Variants in DOCK9 observed in about 807,000 individuals in gnomAD.
The protein encoded by DOCK9 is dedicator of cytokinesis protein 9.
In DOCK9, 89 loss-of-function variants were observed where a neutral mutation model predicts 263.3. The observed-to-expected ratio is 0.34, with a 90% CI of 0.28 to 0.40. DOCK9 has a LOEUF of 0.40. Among genes scored for constraint, DOCK9 ranks in the 10% least tolerant of loss-of-function variants. The pLI is 1.00. For synonymous variants in DOCK9, 976 were observed against 973.1 expected (o/e 1.00, Z -0.06); for missense variants, 2,140 against 2,603.4 (o/e 0.82, Z 3.87).
At chr13:99,052,785 G>A (rs1307217311) in intron 1 of DOCK9, among the ~76,000 whole-genome samples, 1 of 148,644 alleles carries the variant, frequency 6.7e-6, no homozygotes, top group South Asian at 2.1e-4. Context: ...TTTTTTTTAA[G>A]TAGAGACCAG....
chr13:98,808,680 A>C, intron 47 of DOCK9: 2 of 1,570,330 alleles, frequency 1.3e-6, no homozygotes, highest in Non-Finnish European at 1.7e-6. Context: ...GTATTGCTAT[A>C]AAGTTATAAA....
chr13:98,948,130 C>T (rs964291888), intron 2 of DOCK9, among the ~76,000 whole-genome samples: 53 of 152,076 alleles, frequency 3.5e-4, no homozygotes, highest in Non-Finnish European at 8.8e-5. Context: ...GCTTCCTCTC[C>T]ATGTCAGTGA....
At chr13:98,994,513 T>C (rs949592165) in intron 1 of DOCK9, among the ~76,000 whole-genome samples, 1 of 152,226 alleles carries the variant, frequency 6.6e-6, no homozygotes, top group African/African-American at 2.4e-5. Flanking sequence ...GCACCAATCC[T>C]ACCGGGAGAA....
At chr13:99,025,277 A>C (rs1886579023) in intron 1 of DOCK9, 1 of 152,226 alleles carries the variant, frequency 6.6e-6, no homozygotes, top group South Asian at 2.1e-4. Context: ...AATTGGAATG[A>C]TACAGAGAAG....
At chr13:99,082,038 C>G (rs1329368770) in intron 1 of DOCK9, among the ~76,000 whole-genome samples, 1 of 151,828 alleles carries the variant, frequency 6.6e-6, no homozygotes, top group Non-Finnish European at 1.5e-5. Context: ...GGCAACAGGG[C>G]AAAACCCCAT....
intron 5 of DOCK9, 139 bp downstream of exon 5, chr13:98,923,163 A>T: frequency 1.3e-6 from 1 of 748,414 alleles, no homozygotes; most frequent in Non-Finnish European, 2.2e-6. Flanking sequence ...CATTTTTAAA[A>T]AATTATTCCC....
intron 1 of DOCK9, among the ~76,000 whole-genome samples, chr13:98,983,578 C>G (rs1283131497): frequency 6.6e-6 from 1 of 151,916 alleles, no homozygotes; most frequent in Non-Finnish European, 1.5e-5. Context: ...GGAAAAGATA[C>G]ATCTGATATA....
At chr13:98,858,730 TAA>T (rs750198117) in intron 33 of DOCK9, 13 of 152,162 alleles carry the variant, frequency 8.5e-5, no homozygotes, top group Non-Finnish European at 1.6e-4. Context: ...GAAAAAGGAT[TAA>T]GTCAGTTTCA....
At chr13:99,033,327 C>A (rs1230344822) in intron 1 of DOCK9, among the ~76,000 whole-genome samples, 1 of 152,154 alleles carries the variant, frequency 6.6e-6, no homozygotes, top group South Asian at 2.1e-4. Flanking sequence ...AAGGATCAAC[C>A]AGGACCAATA....
intron 1 of DOCK9, among the ~76,000 whole-genome samples, chr13:98,957,427 C>T (rs2058178541): frequency 3.3e-5 from 5 of 151,872 alleles, no homozygotes. Flanking sequence ...AAAGCAATGA[C>T]CAAACAAGTA....
At chr13:99,080,720 T>C (rs2042090723) in intron 1 of DOCK9, among the ~76,000 whole-genome samples, 1 of 152,222 alleles carries the variant, frequency 6.6e-6, no homozygotes, top group Non-Finnish European at 1.5e-5. Flanking sequence ...CCGAATACAC[T>C]GGTTCTGTGC....
intron 1 of DOCK9, among the ~76,000 whole-genome samples, chr13:99,004,154 G>C (rs551869251): frequency 1.3e-5 from 2 of 152,298 alleles, no homozygotes; most frequent in Middle Eastern, 6.8e-3. Context: ...GTAGGTGCTT[G>C]TGGTACCTGT....
At chr13:98,809,023 TAACTA>T in intron 47 of DOCK9, 1 of 1,425,268 alleles carries the variant, frequency 7.0e-7, no homozygotes, top group African/African-American at 1.5e-5. Context: ...GAGTTTGTAA[TAACTA>T]GACAGATAAA....
chr13:99,014,857 G>T (rs1367432075), intron 1 of DOCK9, among the ~76,000 whole-genome samples: 9 of 152,166 alleles, frequency 5.9e-5, no homozygotes, highest in Admixed American at 4.6e-4. Flanking sequence ...ACAGAACACG[G>T]AAGTGTCATG....
chr13:98,868,152 T>G (rs73556944), intron 28 of DOCK9, 79 bp downstream of exon 28: 26,301 of 1,580,216 alleles, frequency 0.017, 1,728 homozygotes, highest in African/African-American at 0.16. Context: ...CCTACTCTAT[T>G]CTAGTCACCC....
chr13:99,008,526 G>A (rs1470670915), intron 1 of DOCK9, among the ~76,000 whole-genome samples: 3 of 152,004 alleles, frequency 2.0e-5, no homozygotes, highest in Non-Finnish European at 2.9e-5. Flanking sequence ...GAGCCACCGC[G>A]CCCGGCCCAT....
At chr13:98,845,395 TTTG>T in intron 38 of DOCK9, 1 of 1,347,996 alleles carries the variant, frequency 7.4e-7, no homozygotes, top group Non-Finnish European at 9.8e-7. Flanking sequence ...AAAAAGTCAC[TTTG>T]TTATTGGATG....
At chr13:99,011,828 A>G (rs1186859875) in intron 1 of DOCK9, among the ~76,000 whole-genome samples, 1 of 152,014 alleles carries the variant, frequency 6.6e-6, no homozygotes, top group Non-Finnish European at 1.5e-5. Context: ...TTTTTTGTTT[A>G]TTTGTTTGTC....
chr13:98,842,338 T>G (rs1197952314), intron 38 of DOCK9, among the ~76,000 whole-genome samples: 1 of 152,210 alleles, frequency 6.6e-6, no homozygotes, highest in Non-Finnish European at 1.5e-5. Flanking sequence ...TCAAGGCCAG[T>G]TCAGTTAGAA....
Sources: gnomAD v4.1 joint callset for allele counts (sites outside exome capture counted in the v4.1 genomes callset) on GRCh38, gnomAD v4.1.1 for gene constraint, MANE v1.5 for transcripts, NCBI Gene and HGNC (gene_info 2026-07-23, HGNC 2026-07-21) for gene names.